Variants in SLC25A21 observed in about 807,000 individuals in gnomAD.
SLC25A21 encodes the protein mitochondrial 2-oxodicarboxylate carrier.
SLC25A21 carries 47 observed loss-of-function variants against 43.8 expected under a neutral mutation model. That is an observed-to-expected ratio of 1.07 (90% CI 0.85 to 1.37). SLC25A21 has a LOEUF of 1.37. Among genes scored for constraint, SLC25A21 ranks in the 40% most tolerant of loss-of-function variants. SLC25A21 has a pLI of 0.00. For missense variants in SLC25A21, 352 were observed against 350.2 expected, an observed-to-expected ratio of 1.00 and a Z score of -0.04; for synonymous variants, 131 against 121.3, an observed-to-expected ratio of 1.08 and a Z score of -0.52.
intron 1 of SLC25A21, among the ~76,000 whole-genome samples, chr14:37,170,444 T>A (rs1328338461): frequency 1.3e-5 from 2 of 152,186 alleles, no homozygotes; most frequent in Admixed American, 1.3e-4. Flanking sequence ...GCTTAGGATG[T>A]TAATCAATTG....
chr14:36,773,922 CT>C (rs990534650), intron 3 of SLC25A21, among the ~76,000 whole-genome samples: 1 of 152,148 alleles, frequency 6.6e-6, no homozygotes, highest in Admixed American at 6.5e-5. Context: ...TTCACGGATG[CT>C]TTTTGTAATG....
intron 6 of SLC25A21, among the ~76,000 whole-genome samples, chr14:36,722,324 T>C (rs1884407307): frequency 1.3e-5 from 2 of 152,122 alleles, no homozygotes; most frequent in Admixed American, 1.3e-4. Flanking sequence ...TTCAGGGCAG[T>C]GAAATTACTC....
At chr14:36,856,134 G>C (rs1889890665) in intron 2 of SLC25A21, among the ~76,000 whole-genome samples, 1 of 152,158 alleles carries the variant, frequency 6.6e-6, no homozygotes, top group South Asian at 2.1e-4. Flanking sequence ...GAAGGGAAAA[G>C]CAGGGTGGGG....
intron 1 of SLC25A21, among the ~76,000 whole-genome samples, chr14:37,158,136 T>A (rs1290704081): frequency 3.9e-5 from 6 of 152,136 alleles, no homozygotes; most frequent in Non-Finnish European, 7.4e-5. Context: ...GAATTCACAG[T>A]CATATTCTAC....
At chr14:36,683,915 C>T in intron 8 of SLC25A21, 35 bp from the exon 9 acceptor site, 2 of 1,543,572 alleles carry the variant, frequency 1.3e-6, no homozygotes. Context: ...CGTTCTTATT[C>T]TGAAAATAAA....
chr14:36,961,962 A>C (rs577177791), intron 1 of SLC25A21, among the ~76,000 whole-genome samples: 1 of 152,238 alleles, frequency 6.6e-6, no homozygotes, highest in Admixed American at 6.5e-5. Context: ...GCCCCAGGAC[A>C]GCAATTAGGG....
At chr14:37,019,329 TC>T (rs1960933982) in intron 1 of SLC25A21, among the ~76,000 whole-genome samples, 1 of 151,866 alleles carries the variant, frequency 6.6e-6, no homozygotes, top group Non-Finnish European at 1.5e-5. Context: ...TACGGCTGGC[TC>T]TTTCTTATAT....
intron 2 of SLC25A21, among the ~76,000 whole-genome samples, chr14:36,827,489 G>C (rs909386437): frequency 1.3e-5 from 2 of 152,124 alleles, no homozygotes; most frequent in African/African-American, 4.8e-5. Context: ...AAAAAATCTT[G>C]ATATACTCTC....
chr14:36,719,300 C>T (rs1470881130), intron 6 of SLC25A21, among the ~76,000 whole-genome samples: 10 of 152,204 alleles, frequency 6.6e-5, no homozygotes, highest in Admixed American at 6.5e-4. Context: ...GGACAGCAAG[C>T]TACAAAGTCA....
chr14:36,783,916 AC>A (rs1566610198), intron 3 of SLC25A21, among the ~76,000 whole-genome samples: 1 of 152,110 alleles, frequency 6.6e-6, no homozygotes. Flanking sequence ...CCGACTTCCC[AC>A]CCCAAGAGCC....
intron 7 of SLC25A21, among the ~76,000 whole-genome samples, chr14:36,704,787 T>C (rs1216336062): frequency 3.3e-5 from 5 of 152,172 alleles, no homozygotes; most frequent in Non-Finnish European, 7.4e-5. Flanking sequence ...CCCTGTCATA[T>C]GGCTTCAGGT....
intron 1 of SLC25A21, among the ~76,000 whole-genome samples, chr14:37,121,277 C>T (rs981298664): frequency 4.6e-5 from 7 of 151,928 alleles, no homozygotes; most frequent in African/African-American, 1.5e-4. Flanking sequence ...TTCTTTTGGC[C>T]GATTACATGA....
At chr14:36,777,356 G>A (rs2138370345) in intron 3 of SLC25A21, among the ~76,000 whole-genome samples, 1 of 152,220 alleles carries the variant, frequency 6.6e-6, no homozygotes, top group South Asian at 2.1e-4. Flanking sequence ...ACAACAAAAT[G>A]ACCTCTGTAA....
intron 2 of SLC25A21, among the ~76,000 whole-genome samples, chr14:36,824,371 CAT>C (rs1211926493): frequency 1.3e-5 from 2 of 152,070 alleles, no homozygotes; most frequent in African/African-American, 4.8e-5. Context: ...ATTAACCTCA[CAT>C]GTTACCAAGA....
chr14:36,761,362 G>A (rs1439486158), intron 3 of SLC25A21, among the ~76,000 whole-genome samples: 1 of 152,228 alleles, frequency 6.6e-6, no homozygotes, highest in Non-Finnish European at 1.5e-5. Flanking sequence ...TCCTCGAAGG[G>A]GCTGTGACTG....
At chr14:36,895,165 G>T (rs1297418322) in intron 1 of SLC25A21, among the ~76,000 whole-genome samples, 2 of 152,132 alleles carry the variant, frequency 1.3e-5, no homozygotes, top group African/African-American at 4.8e-5. Flanking sequence ...GAAGCCATCT[G>T]GTCCTGGACT....
rs117732346 is a variant in SLC25A21, at chr14:36,958,936, T to A, written c.71-83932A>T. Among the ~76,000 whole-genome samples, 1,471 of 152,326 alleles carry A rather than the reference T, an allele frequency of 9.7e-3. 10 individuals carry two copies. Among genetic ancestry groups the A allele is most frequent in the East Asian group, 0.046 (236 of 5,182 alleles). On this transcript the variant is annotated intron_variant, in intron 1 of 9. Coordinates refer to ENST00000331299, the MANE Select transcript of SLC25A21 (RefSeq NM_030631.4). ...TGCAGGCCTGTTTGTTTAAGCTGTC[T>A]GGTGAGACTGTGCATATTGATCTCA...
chr14:37,130,264 T>C (rs377338665), intron 1 of SLC25A21, among the ~76,000 whole-genome samples: 2 of 152,140 alleles, frequency 1.3e-5, no homozygotes, highest in East Asian at 3.9e-4. Context: ...ACTCTGTTTC[T>C]GAAAAGATTA....
chr14:37,002,884 G>T (rs1442429776), intron 1 of SLC25A21, among the ~76,000 whole-genome samples: 3 of 152,134 alleles, frequency 2.0e-5, no homozygotes, highest in African/African-American at 7.2e-5. Context: ...ATTTGTAAAA[G>T]GTAACAGGTA....
Sources: allele counts gnomAD v4.1 joint callset (sites outside exome capture counted in the v4.1 genomes callset), GRCh38; gene constraint gnomAD v4.1.1; transcripts MANE v1.5; gene names NCBI Gene and HGNC (gene_info 2026-07-23, HGNC 2026-07-21).